AKAP12: variants seen among roughly 807,000 people sequenced by gnomAD.
AKAP12 encodes A-kinase anchor protein 12.
AKAP12 carries 32 observed loss-of-function variants against 79.9 expected under a neutral mutation model. The ratio of observed to expected loss-of-function variants is 0.40; its 90% confidence interval spans 0.30 to 0.54. The LOEUF is 0.54. Ranked by LOEUF, AKAP12 falls within the 20% of genes least tolerant of loss-of-function variation. The probability of loss-of-function intolerance (pLI) is 0.48; values close to 1 mark genes in which losing one functional copy is unlikely to be tolerated. For synonymous variants in AKAP12, 808 were observed against 857.0 expected, an observed-to-expected ratio of 0.94 and a Z score of 1.00; for missense variants, 2,074 against 2,177.0, an observed-to-expected ratio of 0.95 and a Z score of 0.94.
chr6:151,267,647 C>A (rs1776076940), intron 2 of AKAP12, among the ~76,000 whole-genome samples: 1 of 152,190 alleles, frequency 6.6e-6, no homozygotes, highest in Non-Finnish European at 1.5e-5. Flanking sequence ...ATATGTAGAA[C>A]AAACAACAAG....
At chr6:151,257,282 CTATT>C (rs1368329476) in intron 2 of AKAP12, among the ~76,000 whole-genome samples, 2 of 151,958 alleles carry the variant, frequency 1.3e-5, no homozygotes, top group East Asian at 3.9e-4. Flanking sequence ...TGTTTAGCTC[CTATT>C]TATTTATTCA....
At chr6:151,324,260 A>G in intron 3 of AKAP12, 3 of 985,444 alleles carry the variant, frequency 3.0e-6, no homozygotes, top group Non-Finnish European at 3.6e-6. Flanking sequence ...AAGGCCCATC[A>G]TTCCCTGTTC....
intron 3 of AKAP12, among the ~76,000 whole-genome samples, chr6:151,314,173 G>A (rs945987220): frequency 2.0e-5 from 3 of 151,808 alleles, no homozygotes; most frequent in South Asian, 4.2e-4. Context: ...AATTACAGGC[G>A]TGCACCACCA....
intron 2 of AKAP12, among the ~76,000 whole-genome samples, chr6:151,279,820 C>T (rs1265198533): frequency 6.6e-6 from 1 of 151,856 alleles, no homozygotes; most frequent in East Asian, 1.9e-4. Flanking sequence ...GCACTCCATC[C>T]TGGGTGATGG....
In AKAP12 at chr6:151,349,551, G is replaced by T; in HGVS notation, c.1160G>T (p.Gly387Val). The T allele has an allele frequency of 6.2e-7, 1 of 1,611,706 alleles. No homozygotes were observed. Among genetic ancestry groups the T allele is most frequent in the Non-Finnish European group, 8.5e-7 (1 of 1,179,380 alleles). The change falls in exon 4 of 5, where the codon GGC (glycine) becomes GTC (valine). Residue 387 changes from glycine to valine, a missense_variant. Physicochemically the swap from Gly to Val is moderately radical, Grantham distance 109. Transcript: ENST00000402676. ...CTGCCCTCAGAGGAGCAAGTCAGTGGCTCGCAGGGACCTTCTGAAGAGAAA... is the reference window on the plus strand; with the variant it reads ...CTGCCCTCAGAGGAGCAAGTCAGTGTCTCGCAGGGACCTTCTGAAGAGAAA... The part of the protein sequence containing the change: ...VELPSEEQVS[G>V]SQGPSEEKPA...
At chr6:151,319,939 A>G (rs975786433) in intron 3 of AKAP12, 1 of 152,194 alleles carries the variant, frequency 6.6e-6, no homozygotes, top group Non-Finnish European at 1.5e-5. Context: ...TTCCAGCAAG[A>G]AGAAAAGAGA....
chr6:151,249,675 A>G (rs944688029), intron 2 of AKAP12, among the ~76,000 whole-genome samples: 2 of 152,236 alleles, frequency 1.3e-5, no homozygotes, highest in African/African-American at 4.8e-5. Context: ...CTCCAGTACC[A>G]TTGATTAAAA....
chr6:151,342,576 C>T (rs1777980365), intron 3 of AKAP12, among the ~76,000 whole-genome samples: 1 of 152,126 alleles, frequency 6.6e-6, no homozygotes, highest in African/African-American at 2.4e-5. Context: ...AGCATGGAGG[C>T]GCCCGAAGAT....
chr6:151,339,690 G>A (rs1046569388), intron 3 of AKAP12, among the ~76,000 whole-genome samples: 2 of 152,086 alleles, frequency 1.3e-5, no homozygotes, highest in African/African-American at 4.8e-5. Flanking sequence ...CCATTACAGT[G>A]TCATGCAAAA....
chr6:151,252,795 G>A (rs921434251), intron 2 of AKAP12, among the ~76,000 whole-genome samples: 4 of 151,220 alleles, frequency 2.6e-5, no homozygotes, highest in Non-Finnish European at 5.9e-5. Context: ...CGGATGAGCA[G>A]TTGGCAGATC....
intron 2 of AKAP12, among the ~76,000 whole-genome samples, chr6:151,253,081 A>G (rs1349237056): frequency 6.6e-6 from 1 of 152,136 alleles, no homozygotes; most frequent in Non-Finnish European, 1.5e-5. Context: ...TTGAGCCATT[A>G]CAGGCCCTGG....
At chr6:151,265,995 A>T (rs962608496) in intron 2 of AKAP12, among the ~76,000 whole-genome samples, 2 of 152,202 alleles carry the variant, frequency 1.3e-5, no homozygotes, top group Non-Finnish European at 2.9e-5. Flanking sequence ...TGGACTGATG[A>T]TGGTGATTCT....
At chr6:151,273,197 G>A (rs761207657) in intron 2 of AKAP12, among the ~76,000 whole-genome samples, 3 of 152,170 alleles carry the variant, frequency 2.0e-5, no homozygotes, top group African/African-American at 4.8e-5. Flanking sequence ...GTGAGCCACC[G>A]CGCCCCGCCC....
intron 3 of AKAP12, among the ~76,000 whole-genome samples, chr6:151,318,690 C>T (rs114739360): frequency 0.025 from 3,756 of 152,244 alleles, 155 homozygotes; most frequent in African/African-American, 0.084. Flanking sequence ...AATTCCAGTG[C>T]TCTGGGAGGC....
intron 2 of AKAP12, among the ~76,000 whole-genome samples, chr6:151,268,123 A>C (rs1360808269): frequency 1.3e-5 from 2 of 152,230 alleles, no homozygotes; most frequent in African/African-American, 2.4e-5. Flanking sequence ...TTATTAAAAC[A>C]GTGTGACTGC....
At chr6:151,301,899 T>A (rs1047025112) in intron 2 of AKAP12, among the ~76,000 whole-genome samples, 1 of 152,242 alleles carries the variant, frequency 6.6e-6, no homozygotes, top group Admixed American at 6.5e-5. Context: ...TATCTCATAA[T>A]GTATTCATTA....
intron 2 of AKAP12, among the ~76,000 whole-genome samples, chr6:151,272,991 T>C (rs1001282314): frequency 6.6e-6 from 1 of 152,208 alleles, no homozygotes; most frequent in Admixed American, 6.5e-5. Context: ...CACTGCAAGC[T>C]CCGCTTCCCG....
At chr6:151,278,792 C>T (rs1157919016) in intron 2 of AKAP12, among the ~76,000 whole-genome samples, 8 of 151,958 alleles carry the variant, frequency 5.3e-5, no homozygotes, top group South Asian at 4.1e-4. Context: ...CTCAGCCTCC[C>T]GAGTAGCTGG....
At chr6:151,319,371 G>T (rs1168432590) in intron 3 of AKAP12, among the ~76,000 whole-genome samples, 1 of 151,344 alleles carries the variant, frequency 6.6e-6, no homozygotes, top group East Asian at 2.0e-4. Flanking sequence ...TTTAGATTCA[G>T]GGTGTGTATA....
Sources: gnomAD v4.1 joint callset for allele counts (sites outside exome capture counted in the v4.1 genomes callset) on GRCh38, gnomAD v4.1.1 for gene constraint, MANE v1.5 for transcripts, NCBI Gene and HGNC (gene_info 2026-07-23, HGNC 2026-07-21) for gene names.